The following MYH11 variants were observed in gnomAD, a reference collection of about 807,000 sequenced individuals.
MYH11 encodes the protein myosin-11.
MYH11 carries 80 observed loss-of-function variants against 246.6 expected under a neutral mutation model. The ratio of observed to expected loss-of-function variants is 0.32; its 90% CI spans 0.27 to 0.39. MYH11 has a LOEUF of 0.39. MYH11 is among the 10% of genes least tolerant of loss of function. The pLI, the probability that MYH11 is intolerant of heterozygous loss-of-function variation, is 1.00. For missense variants in MYH11, 2,158 were observed against 2,546.8 expected, an observed-to-expected ratio of 0.85 and a Z score of 3.29; for synonymous variants, 1,071 against 1,015.5, an observed-to-expected ratio of 1.05 and a Z score of -1.04.
At chr16:15,713,686 T>TG (rs2151188198) in intron 40 of MYH11, 1 of 152,356 alleles carries the variant, frequency 6.6e-6, no homozygotes, top group South Asian at 2.1e-4. Flanking sequence ...GTTGTAGAGA[T>TG]GGGGTCTTGC....
intron 1 of MYH11, among the ~76,000 whole-genome samples, chr16:15,842,990 T>C (rs775066096): frequency 7.2e-5 from 11 of 152,090 alleles, no homozygotes; most frequent in Non-Finnish European, 1.6e-4. Flanking sequence ...TTACCCTATC[T>C]TAAAAAAGAC....
chr16:15,796,606 G>GA lies in MYH11; in HGVS notation c.530+2053dup. 2.0e-5 allele frequency among the ~76,000 whole-genome samples: 3 copies of GA among 152,296 alleles called. No homozygotes were observed. In the South Asian group the frequency reaches 6.2e-4, roughly 32 times the overall value. On this transcript the variant is annotated intron_variant, in intron 4 of 40. Coordinates refer to ENST00000300036, the MANE Select transcript of MYH11 (RefSeq NM_002474.3). ...GGATCAAATGCCTCTGTGGCTAGCT[G>GA]AAAAACAGCCCCCACAAGAATGTCC...
intron 40 of MYH11, among the ~76,000 whole-genome samples, chr16:15,706,418 T>G (rs2039459308): frequency 6.6e-6 from 1 of 151,932 alleles, no homozygotes; most frequent in Non-Finnish European, 1.5e-5. Flanking sequence ...CAAACCCTGA[T>G]GGGTTGGCCA....
chr16:15,821,025 C>T (rs2043396010), intron 3 of MYH11, among the ~76,000 whole-genome samples: 1 of 152,088 alleles, frequency 6.6e-6, no homozygotes, highest in African/African-American at 2.4e-5. Context: ...GTATGTGCTA[C>T]CACACCAAAG....
chr16:15,756,836 C>A (rs2041734744), intron 13 of MYH11, among the ~76,000 whole-genome samples: 1 of 133,448 alleles, frequency 7.5e-6, no homozygotes, highest in Admixed American at 8.2e-5. Flanking sequence ...TTTGCCTTGT[C>A]GCCCAGGCAG....
At chr16:15,776,888 G>C (rs2042233102) in intron 7 of MYH11, among the ~76,000 whole-genome samples, 1 of 152,176 alleles carries the variant, frequency 6.6e-6, no homozygotes, top group Admixed American at 6.5e-5. Flanking sequence ...CGGGGTGATG[G>C]GAGAGGGCAG....
intron 3 of MYH11, among the ~76,000 whole-genome samples, chr16:15,813,106 G>T (rs1158898513): frequency 1.3e-5 from 2 of 152,148 alleles, no homozygotes; most frequent in East Asian, 3.8e-4. Context: ...GGTGGAGGTT[G>T]CAGTGAGCTG....
At position 15,724,304 on chromosome 16, in the gene MYH11, A is replaced by G; in HGVS notation, c.4222T>C (p.Tyr1408His). The G allele has an allele frequency of 6.2e-7, 1 of 1,613,954 alleles. No homozygotes were observed. Residue 1408 changes from tyrosine (Y) to histidine (H), a missense_variant, in exon 31 of 41, where the codon TAC becomes CAC. Physicochemically the swap from Tyr to His is moderately conservative, Grantham distance 83 (BLOSUM62 2). Coordinates refer to ENST00000300036, the MANE Select transcript of MYH11 (RefSeq NM_002474.3). ...TCATAAGCGGCCGCCTTCTCCTCGT[A>G]CTGCTGGGTGAGGTTCTCGATCTCC... is the stretch of plus-strand genomic sequence containing the variant. ...QKEIENLTQQ[Y>H]EEKAAAYDKL...
chr16:15,799,710 T>C (rs1398936220), intron 3 of MYH11, among the ~76,000 whole-genome samples: 1 of 152,210 alleles, frequency 6.6e-6, no homozygotes, highest in Non-Finnish European at 1.5e-5. Flanking sequence ...AATGTAGAAA[T>C]CCCAGCATCA....
intron 7 of MYH11, 132 bp downstream of exon 7, chr16:15,778,648 G>T (rs11863258): frequency 2.2e-6 from 2 of 927,532 alleles, no homozygotes; most frequent in African/African-American, 3.3e-5. Flanking sequence ...CTGCTGTTAA[G>T]GGGAGATTTG....
intron 1 of MYH11, among the ~76,000 whole-genome samples, chr16:15,846,923 C>T (rs2044204893): frequency 6.6e-6 from 1 of 152,104 alleles, no homozygotes; most frequent in African/African-American, 2.4e-5. Flanking sequence ...CACTGCACTG[C>T]AGCCTGGGTG....
At chr16:15,757,765 CCA>C (rs2041767427) in intron 13 of MYH11, 60 bp downstream of exon 13, 2 of 1,610,016 alleles carry the variant, frequency 1.2e-6, no homozygotes, top group Non-Finnish European at 1.7e-6. Context: ...CACGTCGGCT[CCA>C]CAGAGGCCAC....
intron 3 of MYH11, among the ~76,000 whole-genome samples, chr16:15,809,913 C>T (rs8048256): frequency 0.11 from 17,183 of 152,088 alleles, 1,104 homozygotes; most frequent in East Asian, 0.15. Flanking sequence ...CAGAGTGAGA[C>T]TCTGTCTCAA....
chr16:15,790,917 C>T (rs377751588), intron 4 of MYH11: 2 of 151,666 alleles, frequency 1.3e-5, no homozygotes, highest in East Asian at 3.9e-4. Context: ...GGAAATTCTT[C>T]CTAATTCTTT....
intron 19 of MYH11, among the ~76,000 whole-genome samples, chr16:15,745,582 C>CTTTTTTTTTTTTTTTTT (rs71981525): frequency 1.1e-5 from 1 of 94,412 alleles, no homozygotes; most frequent in African/African-American, 4.1e-5. Context: ...TTCTTTCTTT[C>CTTTTTTTTTTTTTTTTT]TTTTTTTTTT....
At chr16:15,715,356 A>C in intron 38 of MYH11, 84 bp from the exon 39 acceptor site, 1 of 1,321,714 alleles carries the variant, frequency 7.6e-7, no homozygotes, top group African/African-American at 1.5e-5. Context: ...TGGCATCTTG[A>C]GTGCTTTCCT....
intron 9 of MYH11, among the ~76,000 whole-genome samples, chr16:15,770,144 A>G (rs565893989): frequency 6.6e-6 from 1 of 152,332 alleles, no homozygotes; most frequent in African/African-American, 2.4e-5. Flanking sequence ...TGGAGGGCCT[A>G]TGTCATTCAG....
chr16:15,738,548 C>G lies in MYH11; in HGVS notation c.3121+17G>C. ...AATAAAATAAAATAAAAATAAATCT[C>G]TTGGTAGCTGGTTTACCTTCCAGTT... is the stretch of plus-strand genomic sequence containing the variant. On this transcript the variant is annotated intron_variant, in intron 24 of 40. Coordinates refer to ENST00000300036, the MANE Select transcript of MYH11 (RefSeq NM_002474.3). 6.2e-7 allele frequency: 1 copy of G among 1,603,416 alleles called. No homozygotes were observed. The highest frequency in any genetic ancestry group is 2.2e-5 in the East Asian group (1 of 44,620).
rs775802674 is a variant in MYH11 at position 15,724,376 on chromosome 16, C to T, written c.4150G>A (p.Ala1384Thr). The T allele has an allele frequency of 6.8e-6, 11 of 1,613,992 alleles. No individual in the cohort carries two copies. The African/African-American group carries it at 1.3e-4, about 20-fold the overall frequency. ...TCTTCCAGAGCTTCCACGGTGCTGGCAAAGTCCTGCAGCTTCTTCTTCGAG... is the reference window on the plus strand; with the variant it reads ...TCTTCCAGAGCTTCCACGGTGCTGGTAAAGTCCTGCAGCTTCTTCTTCGAG... Reference protein sequence around the residue: ...SDSKKKLQDFASTVEALEEGK... With the variant: ...SDSKKKLQDFTSTVEALEEGK... The change falls in exon 31 of 41, where the codon GCC becomes ACC. Residue 1384 changes from alanine (A) to threonine (T), a missense_variant. Coordinates refer to ENST00000300036, the MANE Select transcript of MYH11 (RefSeq NM_002474.3).
Sources: allele counts gnomAD v4.1 joint callset (sites outside exome capture counted in the v4.1 genomes callset), GRCh38; gene constraint gnomAD v4.1.1; transcripts MANE v1.5; gene names NCBI Gene and HGNC (gene_info 2026-07-23, HGNC 2026-07-21).